ANKS1B: variants seen among roughly 807,000 people sequenced by gnomAD.
ANKS1B encodes the protein ankyrin repeat and sterile alpha motif domain containing 1B.
ANKS1B carries 36 observed loss-of-function variants against 148.3 expected under a neutral mutation model. That is an observed-to-expected ratio of 0.24 (90% CI 0.19 to 0.32). The LOEUF (loss-of-function observed/expected upper bound fraction) is 0.32. ANKS1B is among the 10% of genes least tolerant of loss of function. ANKS1B has a pLI of 1.00. For synonymous variants in ANKS1B, 542 were observed against 560.8 expected, an observed-to-expected ratio of 0.97 and a Z score of 0.47; for missense variants, 1,157 against 1,542.6, an observed-to-expected ratio of 0.75 and a Z score of 4.19.
At position 99,237,847 on chromosome 12, in the gene ANKS1B, G is replaced by C. The variant is rs537889997; in HGVS notation, c.2419+6495C>G. 1.9e-4 allele frequency among the ~76,000 whole-genome samples: 29 copies of C among 152,278 alleles called. No individual in the cohort carries two copies. The South Asian group carries it at 2.5e-3, about 13-fold the overall frequency. ...GCCAAGGCTGGTCTCAAACACCTAG[G>C]CTCTAGCAATCCTTTGGCCTCAGCC... On this transcript the variant is annotated intron_variant, in intron 14 of 26. Coordinates refer to ENST00000683438, the MANE Select transcript of ANKS1B (RefSeq NM_001352186.2).
intron 17 of ANKS1B, among the ~76,000 whole-genome samples, chr12:99,023,952 CTTTAA>C (rs1330737820): frequency 2.0e-5 from 3 of 149,372 alleles, no homozygotes; most frequent in African/African-American, 7.3e-5. Context: ...TTATATATAA[CTTTAA>C]TTTATAGTTA....
intron 15 of ANKS1B, among the ~76,000 whole-genome samples, chr12:99,094,791 A>T (rs1472173310): frequency 7.2e-5 from 11 of 152,192 alleles, no homozygotes; most frequent in African/African-American, 2.7e-4. Context: ...AGACTTGCAG[A>T]CTCTGATAAG....
At chr12:99,583,179 T>C (rs1407171669) in intron 9 of ANKS1B, among the ~76,000 whole-genome samples, 1 of 152,168 alleles carries the variant, frequency 6.6e-6, no homozygotes, top group Non-Finnish European at 1.5e-5. Context: ...TCTATTGCTT[T>C]GGGATCACCA....
intron 11 of ANKS1B, among the ~76,000 whole-genome samples, chr12:99,438,066 T>G (rs2152774034): frequency 6.6e-6 from 1 of 152,050 alleles, no homozygotes; most frequent in Admixed American, 6.6e-5. Context: ...CTTTAAAATT[T>G]TTTTTCTTTA....
At chr12:99,879,538 T>C (rs2092351112) in intron 1 of ANKS1B, among the ~76,000 whole-genome samples, 1 of 152,230 alleles carries the variant, frequency 6.6e-6, no homozygotes. Flanking sequence ...ACTTCCATAA[T>C]ACCTAATTTC....
At chr12:99,010,678 T>G (rs1374650892) in intron 17 of ANKS1B, among the ~76,000 whole-genome samples, 1 of 151,902 alleles carries the variant, frequency 6.6e-6, no homozygotes, top group African/African-American at 2.4e-5. Context: ...CTTACACAGT[T>G]CTCTTTGGAA....
intron 1 of ANKS1B, among the ~76,000 whole-genome samples, chr12:99,935,495 A>C (rs1457115043): frequency 2.6e-5 from 4 of 152,088 alleles, no homozygotes; most frequent in Admixed American, 1.3e-4. Context: ...GTCCACCAAG[A>C]CTATGGTTTC....
At chr12:99,918,356 G>A (rs1300886480) in intron 1 of ANKS1B, among the ~76,000 whole-genome samples, 1 of 152,234 alleles carries the variant, frequency 6.6e-6, no homozygotes, top group Non-Finnish European at 1.5e-5. Flanking sequence ...TCTGTGGGAT[G>A]TGATACCTTA....
At chr12:99,811,774 G>A (rs1808773411) in intron 3 of ANKS1B, among the ~76,000 whole-genome samples, 2 of 151,976 alleles carry the variant, frequency 1.3e-5, no homozygotes, top group Admixed American at 1.3e-4. Flanking sequence ...AAAGCATTAT[G>A]CAAATGATAG....
chr12:99,587,885 G>A (rs1431277806), intron 9 of ANKS1B, among the ~76,000 whole-genome samples: 1 of 152,118 alleles, frequency 6.6e-6, no homozygotes, highest in African/African-American at 2.4e-5. Flanking sequence ...GGATTGAAAG[G>A]ATAAGGAGGA....
chr12:99,914,208 G>C (rs981141628), intron 1 of ANKS1B, among the ~76,000 whole-genome samples: 1 of 152,196 alleles, frequency 6.6e-6, no homozygotes, highest in African/African-American at 2.4e-5. Flanking sequence ...CTAGAAAGCA[G>C]ACCTTCAGAA....
chr12:99,551,661 A>G (rs562817706), intron 9 of ANKS1B, among the ~76,000 whole-genome samples: 1 of 152,156 alleles, frequency 6.6e-6, no homozygotes, highest in South Asian at 2.1e-4. Flanking sequence ...GCTATGTCTT[A>G]GAGTGGCAGA....
chr12:99,577,135 T>G (rs1001084957), intron 9 of ANKS1B, among the ~76,000 whole-genome samples: 2 of 151,814 alleles, frequency 1.3e-5, no homozygotes, highest in South Asian at 4.1e-4. Flanking sequence ...GACCTAGAAA[T>G]ACTGATATTG....
In ANKS1B at chr12:99,464,810, G is replaced by A. The variant is rs180905453; in HGVS notation, c.1439-21001C>T. On this transcript the variant is annotated intron_variant, in intron 10 of 26. Coordinates refer to ENST00000683438, the MANE Select transcript of ANKS1B (RefSeq NM_001352186.2). ...GACTATGTGAAAAGACCAAATCTAC[G>A]TCTGATTGGTGTACCTGAAAGTGAC... 4.8e-3 allele frequency among the ~76,000 whole-genome samples: 736 copies of A among 152,240 alleles called. 9 individuals carry two copies. The highest frequency in any genetic ancestry group is 0.015 in the African/African-American group (634 of 41,542).
rs537971681 is a variant in ANKS1B at position 98,927,910 on chromosome 12, G to T, written c.2779-95774C>A. 2.2e-4 allele frequency among the ~76,000 whole-genome samples: 33 copies of T among 151,420 alleles called. 1 individual carries two copies. Among genetic ancestry groups the T allele is most frequent in the African/African-American group, 8.0e-4 (33 of 41,420 alleles). ...GAGCAAATTAAACCTAAAGCAAGAA[G>T]AAGAAAGGAAATAATAAAAATAAGA... is the stretch of plus-strand genomic sequence containing the variant. On this transcript the variant is annotated intron_variant, in intron 17 of 26. Coordinates refer to ENST00000683438, the MANE Select transcript of ANKS1B (RefSeq NM_001352186.2).
intron 12 of ANKS1B, among the ~76,000 whole-genome samples, chr12:99,256,634 A>C (rs545919887): frequency 1.3e-5 from 2 of 152,154 alleles, no homozygotes; most frequent in African/African-American, 4.8e-5. Flanking sequence ...AAAATTCATA[A>C]TTTTAGGTTG....
At chr12:98,934,171 A>G (rs1315188333) in intron 17 of ANKS1B, among the ~76,000 whole-genome samples, 1 of 152,006 alleles carries the variant, frequency 6.6e-6, no homozygotes, top group Non-Finnish European at 1.5e-5. Flanking sequence ...TTGAATTGAT[A>G]TTTTGTGTAT....
At chr12:99,465,704 A>T (rs1305538324) in intron 10 of ANKS1B, among the ~76,000 whole-genome samples, 1 of 152,258 alleles carries the variant, frequency 6.6e-6, no homozygotes, top group African/African-American at 2.4e-5. Flanking sequence ...GCAGGCCATT[A>T]TATAATGGTA....
At chr12:99,560,753 G>T (rs11612618) in intron 9 of ANKS1B, among the ~76,000 whole-genome samples, 20,817 of 151,528 alleles carry the variant, frequency 0.14, 1,613 homozygotes, top group Non-Finnish European at 0.17. Context: ...GCTGGTGGAG[G>T]GTCTTGCCTC....
Sources: allele counts gnomAD v4.1 joint callset (sites outside exome capture counted in the v4.1 genomes callset), GRCh38; gene constraint gnomAD v4.1.1; transcripts MANE v1.5; gene names NCBI Gene and HGNC (gene_info 2026-07-23, HGNC 2026-07-21).